Variants in CENPI observed in about 807,000 individuals in gnomAD.
CENPI encodes FSH primary response 1.
CENPI carries 4 observed loss-of-function variants against 60.4 expected under a neutral mutation model. The ratio of observed to expected loss-of-function variants is 0.07; its 90% CI spans 0.03 to 0.15. The LOEUF is 0.15. Ranked by LOEUF, CENPI falls within the 10% of genes least tolerant of loss-of-function variation. The pLI is 1.00. For missense variants in CENPI, 444 were observed against 534.5 expected, an observed-to-expected ratio of 0.83 and a Z score of 1.67; for synonymous variants, 157 against 189.4, an observed-to-expected ratio of 0.83 and a Z score of 1.40.
intron 15 of CENPI, among the ~76,000 whole-genome samples, chrX:101,139,416 T>A (rs1164408079): frequency 9.0e-6 from 1 of 111,272 alleles, no homozygotes; most frequent in Non-Finnish European, 1.9e-5. Context: ...TTTCTAAATG[T>A]AACATTGTAT....
In CENPI at chrX:101,150,516, G is replaced by A. The variant is rs775517827; in HGVS notation, c.2094+2355G>A. On this transcript the variant is annotated intron_variant, in intron 20 of 21. Transcript: ENST00000682095. ...CTCCCAAGTAGCTGGGACTACAGGCGTGCGCCAACGCTCCTGGCTAGTTTT... is the reference window on the plus strand; with the variant it reads ...CTCCCAAGTAGCTGGGACTACAGGCATGCGCCAACGCTCCTGGCTAGTTTT... 8.2e-5 allele frequency among the ~76,000 whole-genome samples: 9 copies of A among 109,816 alleles called. No individual in the cohort carries two copies. In the Middle Eastern group the frequency reaches 0.014, roughly 169 times the overall value.
intron 20 of CENPI, among the ~76,000 whole-genome samples, chrX:101,161,212 C>T (rs2090104849): frequency 8.9e-6 from 1 of 112,292 alleles, no homozygotes; most frequent in African/African-American, 3.2e-5. Flanking sequence ...TGATCTTGAA[C>T]TCCTGGTCTC....
Position 101,101,196 on chromosome X carries a change from C to G in CENPI, c.126C>G (p.Ile42Met). ...VKQDPSNSKN[I>M]SKHGQNNPVG... is the part of the protein sequence containing the mutation. The stretch of plus-strand genomic sequence containing the variant: ...AGGATCCAAGCAACTCGAAGAACAT[C>G]TCAAAACATGGACAAAACAATCCAG... Residue 42 changes from isoleucine to methionine, a missense_variant, in exon 3 of 22, where the codon ATC becomes ATG. By Grantham distance (10) the Ile-to-Met change is conservative (BLOSUM62 1). Transcript: ENST00000682095. 2.5e-6 allele frequency: 3 copies of G among 1,210,031 alleles called. No individual in the cohort carries two copies. Among genetic ancestry groups the G allele is most frequent in the Non-Finnish European group, 3.4e-6 (3 of 893,984 alleles).
intron 13 of CENPI, 86 bp from the exon 14 acceptor site, chrX:101,132,104 A>G: frequency 6.1e-6 from 4 of 650,653 alleles, no homozygotes; most frequent in Non-Finnish European, 7.3e-6. Flanking sequence ...TGAAGCAACT[A>G]TAGCACAAAA....
chrX:101,139,186 G>A (rs950004650), intron 15 of CENPI, among the ~76,000 whole-genome samples: 3 of 97,995 alleles, frequency 3.1e-5, no homozygotes, highest in Non-Finnish European at 6.0e-5. Flanking sequence ...TCCGCCTTCC[G>A]GGCTCAAGCA....
downstream of CENPI, among the ~76,000 whole-genome samples, chrX:101,171,083 A>G (rs1200643787): frequency 1.8e-5 from 2 of 112,301 alleles, no homozygotes. Flanking sequence ...TGGAAAATTC[A>G]CATTTCTCAA....
the CENPI span, among the ~76,000 whole-genome samples, chrX:101,173,816 C>CA: frequency 4.6e-5 from 5 of 107,850 alleles, no homozygotes; most frequent in African/African-American, 6.7e-5. Context: ...ACCTACCAAT[C>CA]AAAAAAAAAC....
chrX:101,118,663 T>C (rs1227993428), intron 6 of CENPI, among the ~76,000 whole-genome samples: 2 of 112,025 alleles, frequency 1.8e-5, no homozygotes, highest in Non-Finnish European at 3.8e-5. Flanking sequence ...TTAAAATATA[T>C]GAGTTTTTCC....
intron 20 of CENPI, among the ~76,000 whole-genome samples, chrX:101,156,698 T>C (rs1314274666): frequency 9.1e-6 from 1 of 109,340 alleles, no homozygotes; most frequent in Non-Finnish European, 1.9e-5. Flanking sequence ...GTCATTCTTA[T>C]GCCCTTGCAT....
Position 101,103,983 on chromosome X carries a change from T to C in CENPI, c.364+1572T>C, listed in dbSNP as rs189185591. Among the ~76,000 whole-genome samples, 563 of 111,241 alleles carry C rather than the reference T, an allele frequency of 5.1e-3. 5 individuals carry two copies. Among genetic ancestry groups the C allele is most frequent in the African/African-American group, 0.018 (550 of 30,697 alleles). ...CTTCATTTTCTTTCTTTCTTTCTTT[T>C]TTTTTTTTTGAGATGAGTTTCACTC... On this transcript the variant is annotated intron_variant, in intron 4 of 21. Coordinates refer to ENST00000682095, the MANE Select transcript of CENPI (RefSeq NM_001386188.2).
chrX:101,119,036 C>T (rs375672148), intron 6 of CENPI, among the ~76,000 whole-genome samples: 2 of 110,564 alleles, frequency 1.8e-5, no homozygotes, highest in South Asian at 7.8e-4. Flanking sequence ...CAAAATTAGC[C>T]GGGTGTGGTG....
Position 101,162,821 on chromosome X carries a change from C to T in CENPI, c.2137-12C>T. Reference sequence around the variant, plus strand: ...TATTCGATAAGTAATTTTCCTTTTTCTGTGCCTGCAGGGAAAGAAATGGAG... The same window carrying T: ...TATTCGATAAGTAATTTTCCTTTTTTTGTGCCTGCAGGGAAAGAAATGGAG... On this transcript the variant is annotated splice_polypyrimidine_tract_variant and intron_variant, in intron 21 of 21. Coordinates refer to ENST00000682095, the MANE Select transcript of CENPI (RefSeq NM_001386188.2). 8.3e-7 allele frequency: 1 copy of T among 1,207,945 alleles called. No individual in the cohort carries two copies. Among genetic ancestry groups the T allele is most frequent in the South Asian group, 1.8e-5 (1 of 56,580 alleles).
chrX:101,168,520 C>T (rs976553882), downstream of CENPI, among the ~76,000 whole-genome samples: 5 of 111,447 alleles, frequency 4.5e-5, no homozygotes, highest in Non-Finnish European at 5.7e-5. Flanking sequence ...GAGCCGAGAT[C>T]GCCCACTGCA....
At chrX:101,108,890 G>A (rs1004695532) in intron 4 of CENPI, among the ~76,000 whole-genome samples, 1 of 110,186 alleles carries the variant, frequency 9.1e-6, no homozygotes, top group African/African-American at 3.3e-5. Flanking sequence ...CAAGTGATCC[G>A]CTTGCCTCGG....
At chrX:101,146,619 AAAT>A (rs1204039172) in intron 18 of CENPI, among the ~76,000 whole-genome samples, 2 of 112,136 alleles carry the variant, frequency 1.8e-5, no homozygotes, top group African/African-American at 6.5e-5. Flanking sequence ...TCTCTGGTAA[AAAT>A]AACATTTTCT....
intron 20 of CENPI, among the ~76,000 whole-genome samples, chrX:101,150,863 A>G (rs1049669531): frequency 9.2e-6 from 1 of 109,126 alleles, no homozygotes; most frequent in Non-Finnish European, 1.9e-5. Context: ...TTGTTTTATA[A>G]TCTGTATTTG....
At chrX:101,107,357 T>C (rs2089495126) in intron 4 of CENPI, among the ~76,000 whole-genome samples, 1 of 110,247 alleles carries the variant, frequency 9.1e-6, no homozygotes, top group African/African-American at 3.3e-5. Flanking sequence ...TCATTTTTTT[T>C]CTTTTCTTTT....
chrX:101,177,835 G>A, the CENPI span, among the ~76,000 whole-genome samples: 1 of 112,197 alleles, frequency 8.9e-6, no homozygotes, highest in Non-Finnish European at 1.9e-5. Context: ...AGCTGCGATG[G>A]TGGCTGTGGG....
intron 5 of CENPI, 145 bp from the exon 6 acceptor site, chrX:101,109,746 A>AT: frequency 1.7e-6 from 1 of 575,520 alleles, no homozygotes; most frequent in Non-Finnish European, 2.9e-6. Context: ...TCAAACAGAA[A>AT]TTTTTACTGA....
Sources: gnomAD v4.1 joint callset for allele counts (sites outside exome capture counted in the v4.1 genomes callset) on GRCh38, gnomAD v4.1.1 for gene constraint, MANE v1.5 for transcripts, NCBI Gene and HGNC (gene_info 2026-07-23, HGNC 2026-07-21) for gene names.